LARGE1: variants seen among roughly 807,000 people sequenced by gnomAD.
The protein encoded by LARGE1 is xylosyl- and glucuronyltransferase LARGE1.
Under a neutral mutation model 87.6 loss-of-function variants are expected in LARGE1, and 43 were observed. The observed-to-expected ratio is 0.49, with a 90% confidence interval of 0.38 to 0.63. The LOEUF (loss-of-function observed/expected upper bound fraction) is 0.63. Among genes scored for constraint, LARGE1 ranks in the 30% least tolerant of loss-of-function variants. LARGE1 has a pLI of 0.00. For synonymous variants in LARGE1, 434 were observed against 394.6 expected, an observed-to-expected ratio of 1.10 and a Z score of -1.18; for missense variants, 802 against 1,000.2, an observed-to-expected ratio of 0.80 and a Z score of 2.67.
chr22:33,307,359 C>T (rs772555233), intron 11 of LARGE1, among the ~76,000 whole-genome samples: 3 of 152,162 alleles, frequency 2.0e-5, no homozygotes, highest in Admixed American at 6.6e-5. Context: ...CCCCAAAGCC[C>T]GGATCCAGGT....
chr22:33,507,290 G>A (rs1021739871), intron 6 of LARGE1, among the ~76,000 whole-genome samples: 1 of 152,216 alleles, frequency 6.6e-6, no homozygotes, highest in Non-Finnish European at 1.5e-5. Flanking sequence ...GGCATCTGGT[G>A]CTGGGAGTTA....
chr22:33,649,423 A>G (rs1227790195), intron 3 of LARGE1, among the ~76,000 whole-genome samples: 3 of 152,252 alleles, frequency 2.0e-5, no homozygotes, highest in South Asian at 4.1e-4. Flanking sequence ...AGCAGGTCCT[A>G]TCTATGTTTA....
intron 2 of LARGE1, among the ~76,000 whole-genome samples, chr22:33,653,523 T>A (rs890793735): frequency 6.6e-6 from 1 of 152,212 alleles, no homozygotes; most frequent in Non-Finnish European, 1.5e-5. Flanking sequence ...CCTGTGAGTT[T>A]CCTCTTTGGA....
chr22:33,881,994 G>T (rs1348845117), intron 1 of LARGE1, among the ~76,000 whole-genome samples: 2 of 151,854 alleles, frequency 1.3e-5, no homozygotes, highest in African/African-American at 4.8e-5. Context: ...TGCCACACCC[G>T]CAAATGCTAT....
At chr22:33,689,399 T>A (rs1379453743) in intron 2 of LARGE1, among the ~76,000 whole-genome samples, 1 of 151,988 alleles carries the variant, frequency 6.6e-6, no homozygotes, top group Non-Finnish European at 1.5e-5. Flanking sequence ...GCCAATATCG[T>A]GACAGATAAA....
chr22:33,672,868 A>G (rs1025676416), intron 2 of LARGE1, among the ~76,000 whole-genome samples: 7 of 152,226 alleles, frequency 4.6e-5, no homozygotes, highest in Non-Finnish European at 1.0e-4. Context: ...GAAGGCAGAT[A>G]TGGTCTCTAC....
chr22:33,130,308 C>A, the LARGE1 span, among the ~76,000 whole-genome samples: 1 of 55,144 alleles, frequency 1.8e-5, no homozygotes, highest in African/African-American at 1.0e-4. Flanking sequence ...AGTGAGATTC[C>A]GTCTCAAAAA....
intron 1 of LARGE1, among the ~76,000 whole-genome samples, chr22:33,835,808 C>G (rs1319769524): frequency 6.6e-6 from 1 of 152,156 alleles, no homozygotes; most frequent in Non-Finnish European, 1.5e-5. Flanking sequence ...GGTCTGGAAC[C>G]TAACACACAT....
the LARGE1 span, among the ~76,000 whole-genome samples, chr22:33,099,072 T>C: frequency 1.3e-5 from 2 of 152,202 alleles, no homozygotes; most frequent in South Asian, 4.1e-4. Context: ...GTTAATCAAC[T>C]CTGTTTCTCT....
intron 10 of LARGE1, among the ~76,000 whole-genome samples, chr22:33,333,721 CAA>C (rs1315462942): frequency 6.6e-6 from 1 of 152,126 alleles, no homozygotes; most frequent in Non-Finnish European, 1.5e-5. Context: ...GTGAACAGTA[CAA>C]AGTCTTTAAG....
At chr22:33,421,087 G>T (rs1279369633) in intron 7 of LARGE1, among the ~76,000 whole-genome samples, 2 of 152,138 alleles carry the variant, frequency 1.3e-5, no homozygotes, top group East Asian at 3.9e-4. Context: ...TACTTGGGAG[G>T]CTGAGGTAGG....
chr22:33,442,477 G>T (rs1396496757), intron 6 of LARGE1, among the ~76,000 whole-genome samples: 1 of 152,112 alleles, frequency 6.6e-6, no homozygotes, highest in Non-Finnish European at 1.5e-5. Flanking sequence ...CATTAATTCT[G>T]ATACAGGGTA....
At chr22:33,338,811 C>A (rs1442568373) in intron 9 of LARGE1, among the ~76,000 whole-genome samples, 1 of 152,026 alleles carries the variant, frequency 6.6e-6, no homozygotes, top group Non-Finnish European at 1.5e-5. Context: ...GGAAAAGTGT[C>A]CACAAACAGG....
chr22:33,648,133 A>G (rs189440742), intron 3 of LARGE1, among the ~76,000 whole-genome samples: 5 of 152,328 alleles, frequency 3.3e-5, no homozygotes, highest in Admixed American at 2.6e-4. Context: ...TCAAAGCCAC[A>G]TAGCTGTTAA....
intron 1 of LARGE1, among the ~76,000 whole-genome samples, chr22:33,770,882 T>A (rs1256995028): frequency 6.6e-6 from 1 of 152,164 alleles, no homozygotes; most frequent in Non-Finnish European, 1.5e-5. Context: ...AATCTCCGCG[T>A]GACCATTCTC....
At chr22:33,704,015 C>T (rs1029528578) in intron 2 of LARGE1, among the ~76,000 whole-genome samples, 7 of 152,178 alleles carry the variant, frequency 4.6e-5, no homozygotes, top group African/African-American at 1.7e-4. Flanking sequence ...AAGTTTTATC[C>T]TCAATGTGGA....
intron 1 of LARGE1, among the ~76,000 whole-genome samples, chr22:33,842,459 T>C (rs1404889198): frequency 2.0e-5 from 3 of 152,278 alleles, no homozygotes; most frequent in South Asian, 2.1e-4. Context: ...AAAACAAAGT[T>C]ACTAATATTC....
chr22:33,713,110 A>G (rs151177771), intron 2 of LARGE1, among the ~76,000 whole-genome samples: 4 of 152,264 alleles, frequency 2.6e-5, no homozygotes, highest in Admixed American at 2.6e-4. Flanking sequence ...CTATTTTCTT[A>G]TAATTAATCA....
chr22:33,274,247 A>G lies in LARGE1; in HGVS notation c.*180T>C, dbSNP rs1928700565. 3.0e-6 allele frequency: 2 copies of G among 671,228 alleles called. No homozygotes were observed. Among genetic ancestry groups the G allele is most frequent in the Non-Finnish European group, 5.3e-6 (2 of 376,162 alleles). 41.6% of individuals were successfully genotyped at this position (671,228 alleles called of 1,614,324 possible). Reference sequence around the variant, plus strand: ...GGGAATGCAGGGTTGTGGGGCAGAGAGGGACTGGCTGGATCCTTGTCCAAG... The same window carrying G: ...GGGAATGCAGGGTTGTGGGGCAGAGGGGGACTGGCTGGATCCTTGTCCAAG... On this transcript the variant is annotated 3_prime_UTR_variant, in exon 15 of 15. Transcript: ENST00000397394.
Sources: gnomAD v4.1 joint callset for allele counts (sites outside exome capture counted in the v4.1 genomes callset) on GRCh38, gnomAD v4.1.1 for gene constraint, MANE v1.5 for transcripts, NCBI Gene and HGNC (gene_info 2026-07-23, HGNC 2026-07-21) for gene names.